Variants in RALYL observed in about 807,000 individuals in gnomAD.
The protein encoded by RALYL is RALY RNA binding protein like, also known as RNA-binding Raly-like protein.
RALYL carries 29 observed loss-of-function variants against 35.1 expected under a neutral mutation model. That is an observed-to-expected ratio of 0.83 (90% CI 0.61 to 1.13). The LOEUF (loss-of-function observed/expected upper bound fraction) is 1.13, where lower values mean the gene tolerates loss of function less well. RALYL is among the 50% of genes most tolerant of loss of function. The probability of loss-of-function intolerance (pLI) is 0.00; values close to 1 mark genes in which losing one functional copy is unlikely to be tolerated. For missense variants in RALYL, 359 were observed against 360.4 expected, an observed-to-expected ratio of 1.00 and a Z score of 0.03; for synonymous variants, 120 against 127.6, an observed-to-expected ratio of 0.94 and a Z score of 0.40.
At chr8:84,643,515 C>T (rs1225584110) in intron 2 of RALYL, among the ~76,000 whole-genome samples, 3 of 152,150 alleles carry the variant, frequency 2.0e-5, no homozygotes, top group Non-Finnish European at 2.9e-5. Flanking sequence ...AATTCCCTAA[C>T]GTTCCAGCCA....
At chr8:84,464,635 T>C (rs1323724465) in intron 1 of RALYL, among the ~76,000 whole-genome samples, 5 of 151,812 alleles carry the variant, frequency 3.3e-5, no homozygotes, top group African/African-American at 9.7e-5. Flanking sequence ...GCATGATTTA[T>C]AGTCCTTTGG....
chr8:84,621,520 C>T (rs915943082), intron 2 of RALYL, among the ~76,000 whole-genome samples: 5 of 152,228 alleles, frequency 3.3e-5, no homozygotes, highest in Non-Finnish European at 7.4e-5. Context: ...GAGATGAACC[C>T]GGTACCTCAG....
At chr8:84,546,846 G>C (rs2060389904) in intron 2 of RALYL, among the ~76,000 whole-genome samples, 1 of 152,102 alleles carries the variant, frequency 6.6e-6, no homozygotes, top group African/African-American at 2.4e-5. Flanking sequence ...TAATAATTGT[G>C]CTTTCTTACT....
chr8:84,203,691 G>C (rs1432530066), intron 1 of RALYL, among the ~76,000 whole-genome samples: 1 of 152,094 alleles, frequency 6.6e-6, no homozygotes. Flanking sequence ...AATATAGATA[G>C]CTTGAGAAGT....
At chr8:84,854,192 A>G (rs1408179568) in intron 5 of RALYL, among the ~76,000 whole-genome samples, 1 of 151,978 alleles carries the variant, frequency 6.6e-6, no homozygotes, top group Non-Finnish European at 1.5e-5. Context: ...CTAAAAATAC[A>G]AAAATTAGCC....
chr8:84,282,308 C>T (rs1360975146), intron 1 of RALYL, among the ~76,000 whole-genome samples: 1 of 151,432 alleles, frequency 6.6e-6, no homozygotes, highest in Non-Finnish European at 1.5e-5. Flanking sequence ...TAAGTTCCAC[C>T]AGGTCAGGGG....
rs1586439876 is a variant in RALYL at position 84,341,207 on chromosome 8, G to T, written c.-24+156783G>T. ...TGATTTGTAGGAGTTTTATAATTTT[G>T]GCTATTAACTATTTATCAGATAAGT... On this transcript the variant is annotated intron_variant, in intron 1 of 8. Transcript: ENST00000521268. 3.6e-5 allele frequency among the ~76,000 whole-genome samples: 4 copies of T among 110,192 alleles called. No individual in the cohort carries two copies. In the South Asian group the frequency reaches 8.9e-4, roughly 25 times the overall value. The allele number at this position is 110,192 out of a possible 152,430, so 72.3% of individuals were successfully genotyped here.
At chr8:84,746,294 A>G (rs972859333) in intron 2 of RALYL, among the ~76,000 whole-genome samples, 2 of 152,074 alleles carry the variant, frequency 1.3e-5, no homozygotes, top group Non-Finnish European at 2.9e-5. Context: ...GAGTTGGCAT[A>G]GGTACTACAT....
At position 84,529,398 on chromosome 8, in the gene RALYL, G is replaced by A. The variant is rs866953604; in HGVS notation, c.77G>A (p.Gly26Asp). The A allele has an allele frequency of 6.2e-7, 1 of 1,611,564 alleles. No individual in the cohort carries two copies. The highest frequency in any genetic ancestry group is 8.5e-7 in the Non-Finnish European group (1 of 1,178,762). Residue 26 changes from glycine to aspartate, a missense_variant, in exon 2 of 9, where the codon GGC becomes GAC. Gly to Asp is a moderately conservative substitution (Grantham distance 94). Transcript: ENST00000521268. ...TCCATCAACTCCCGTGTTTTCATCG[G>A]CAATCTAAATACGGCAATTGTCAAG... Reference protein sequence around the residue: ...PKSINSRVFIGNLNTAIVKKV... With the variant: ...PKSINSRVFIDNLNTAIVKKV...
chr8:84,518,908 G>A (rs949052410), intron 1 of RALYL, among the ~76,000 whole-genome samples: 3 of 152,156 alleles, frequency 2.0e-5, no homozygotes, highest in Non-Finnish European at 4.4e-5. Context: ...AATTTCTCCT[G>A]TGGGCATGAC....
chr8:84,765,133 C>T lies in RALYL; in HGVS notation c.257-9446C>T, dbSNP rs186758143. 1.7e-3 allele frequency among the ~76,000 whole-genome samples: 260 copies of T among 152,298 alleles called. 1 individual carries two copies. Among genetic ancestry groups the T allele is most frequent in the African/African-American group, 5.8e-3 (241 of 41,568 alleles). On this transcript the variant is annotated intron_variant, in intron 2 of 8. Transcript: ENST00000521268. ...CAGTTGGGAGTTGAATTTTCTTCTC[C>T]TCTGCTGCCAGACAGATCTCTCTAC...
At chr8:84,303,807 A>C (rs1024193524) in intron 1 of RALYL, among the ~76,000 whole-genome samples, 1 of 152,116 alleles carries the variant, frequency 6.6e-6, no homozygotes, top group Non-Finnish European at 1.5e-5. Context: ...ATTTATGGGT[A>C]TTTCCATTTC....
intron 4 of RALYL, among the ~76,000 whole-genome samples, chr8:84,838,264 G>A (rs1258533477): frequency 6.6e-6 from 1 of 152,176 alleles, no homozygotes; most frequent in East Asian, 1.9e-4. Context: ...CACTCAGAAA[G>A]AAAAAGGGGA....
At chr8:84,318,378 C>G (rs1279517530) in intron 1 of RALYL, among the ~76,000 whole-genome samples, 1 of 152,204 alleles carries the variant, frequency 6.6e-6, no homozygotes, top group Non-Finnish European at 1.5e-5. Context: ...CTACAACATA[C>G]CAGCCCCTGT....
chr8:84,497,324 T>TTGTACCTTTCACAATATGGTGAC (rs1468607326), intron 1 of RALYL, among the ~76,000 whole-genome samples: 1 of 152,172 alleles, frequency 6.6e-6, no homozygotes, highest in Non-Finnish European at 1.5e-5. Context: ...AAAGTGTGAC[T>TTGTACCTTTCACAATATGGTGAC]TGTACCTTTC....
chr8:84,301,209 A>G (rs73296705), intron 1 of RALYL, among the ~76,000 whole-genome samples: 7,209 of 152,094 alleles, frequency 0.047, 269 homozygotes, highest in African/African-American at 0.083. Flanking sequence ...ATATAGGCCC[A>G]TGATTTCTTC....
chr8:84,874,288 A>G (rs907435117), intron 7 of RALYL, among the ~76,000 whole-genome samples: 1 of 152,178 alleles, frequency 6.6e-6, no homozygotes, highest in Non-Finnish European at 1.5e-5. Context: ...AAATAAATAA[A>G]TAAATAAAGT....
At chr8:84,631,696 G>A (rs1484937922) in intron 2 of RALYL, among the ~76,000 whole-genome samples, 1 of 151,836 alleles carries the variant, frequency 6.6e-6, no homozygotes, top group African/African-American at 2.4e-5. Context: ...AAGAAAGAGG[G>A]TCAGGAACAG....
intron 2 of RALYL, among the ~76,000 whole-genome samples, chr8:84,621,233 A>G (rs1166028236): frequency 6.6e-6 from 1 of 151,976 alleles, no homozygotes; most frequent in Non-Finnish European, 1.5e-5. Context: ...CGTGCTAGCA[A>G]TCAGGGAGAC....
Sources: gnomAD v4.1 joint callset for allele counts (sites outside exome capture counted in the v4.1 genomes callset) on GRCh38, gnomAD v4.1.1 for gene constraint, MANE v1.5 for transcripts, NCBI Gene and HGNC (gene_info 2026-07-23, HGNC 2026-07-21) for gene names.